Variants in ARHGEF10L observed in about 807,000 individuals in gnomAD.
ARHGEF10L encodes rho guanine nucleotide exchange factor 10-like protein.
A neutral mutation model predicts 141.2 loss-of-function variants in ARHGEF10L; 69 were observed. The observed-to-expected ratio is 0.49, with a 90% CI of 0.40 to 0.60. ARHGEF10L has a LOEUF of 0.60. Ranked by LOEUF, ARHGEF10L falls within the 20% of genes least tolerant of loss-of-function variation. The probability of loss-of-function intolerance (pLI) is 0.00; values close to 1 mark genes in which losing one functional copy is unlikely to be tolerated. For synonymous variants in ARHGEF10L, 711 were observed against 718.5 expected, an observed-to-expected ratio of 0.99 and a Z score of 0.17; for missense variants, 1,482 against 1,734.3, an observed-to-expected ratio of 0.85 and a Z score of 2.58.
chr1:17,632,306 C>A lies in ARHGEF10L; in HGVS notation c.1585-15C>A. The A allele has an allele frequency of 6.2e-7, 1 of 1,613,414 alleles. No homozygotes were observed. The highest frequency in any genetic ancestry group is 1.1e-5 in the South Asian group (1 of 91,034). ...GCCGCGATGCTGATGCTGACCTTCC[C>A]TGCCCCTCCTCCAGCTGTTGACCTC... On this transcript the variant is annotated splice_polypyrimidine_tract_variant and intron_variant, in intron 15 of 28. Coordinates refer to ENST00000361221, the MANE Select transcript of ARHGEF10L (RefSeq NM_018125.4).
At chr1:17,542,455 A>G (rs1477135523) in intron 1 of ARHGEF10L, among the ~76,000 whole-genome samples, 1 of 152,276 alleles carries the variant, frequency 6.6e-6, no homozygotes, top group East Asian at 1.9e-4. Context: ...TCTTAATTAT[A>G]TATATGAGAA....
intron 25 of ARHGEF10L, among the ~76,000 whole-genome samples, chr1:17,659,986 A>C (rs534901914): frequency 7.2e-4 from 109 of 152,342 alleles, no homozygotes; most frequent in African/African-American, 2.5e-3. Flanking sequence ...GGCCAAGAGC[A>C]ATGTGGCCAT....
Position 17,656,016 on chromosome 1 carries a change from G to A in ARHGEF10L, c.2619G>A (p.Glu873=). 5 of 1,573,196 alleles carry A rather than the reference G, an allele frequency of 3.2e-6. No individual in the cohort carries two copies. Among genetic ancestry groups the A allele is most frequent in the Non-Finnish European group, 4.3e-6 (5 of 1,158,466 alleles). Reference sequence around the variant, plus strand: ...AGTATATCCCGGAGCTGGAGGAGGAGGCGGAGAGCAGAGACGAGAGCCCGA... The same window carrying A: ...AGTATATCCCGGAGCTGGAGGAGGAAGCGGAGAGCAGAGACGAGAGCCCGA... ...CMEYIPELEE[E]AESRDESPTV... The change falls in exon 24 of 29, where the codon GAG becomes GAA. Residue 873 remains glutamate (E), a synonymous_variant. Transcript: ENST00000361221. The surrounding 1 kb of genome is among the most constrained non-coding windows in gnomAD (Gnocchi z 4.9).
intron 1 of ARHGEF10L, 25 bp from the exon 2 acceptor site, chr1:17,580,528 G>A: frequency 6.2e-7 from 1 of 1,604,936 alleles, no homozygotes; most frequent in Admixed American, 1.7e-5. Flanking sequence ...TCCAGCTAAT[G>A]CGATTTCTGG....
chr1:17,561,640 C>T (rs997488295), intron 1 of ARHGEF10L, among the ~76,000 whole-genome samples: 27 of 152,238 alleles, frequency 1.8e-4, no homozygotes, highest in Admixed American at 1.6e-3. Context: ...AGCTCCTTGG[C>T]GTAGGTCCCT....
the ARHGEF10L span, among the ~76,000 whole-genome samples, chr1:17,530,756 C>T: frequency 0.019 from 2,927 of 152,252 alleles, 46 homozygotes; most frequent in South Asian, 0.039. Context: ...TGGCTCACGC[C>T]TGTAATCCTA....
intron 26 of ARHGEF10L, among the ~76,000 whole-genome samples, chr1:17,685,428 A>G (rs2064490709): frequency 6.6e-6 from 1 of 152,090 alleles, no homozygotes; most frequent in Non-Finnish European, 1.5e-5. Context: ...CCCTTTGCCT[A>G]GAATGCTCTT....
At chr1:17,582,688 C>A (rs1204192870) in intron 2 of ARHGEF10L, among the ~76,000 whole-genome samples, 2 of 152,188 alleles carry the variant, frequency 1.3e-5, no homozygotes, top group African/African-American at 2.4e-5. Context: ...TCCTCGGAGC[C>A]CTTCCTGAAG....
chr1:17,616,672 G>A (rs921893664), intron 9 of ARHGEF10L, among the ~76,000 whole-genome samples: 10 of 152,226 alleles, frequency 6.6e-5, no homozygotes, highest in South Asian at 6.2e-4. Context: ...TTGGCACAGC[G>A]CGGGAGACAG....
intron 2 of ARHGEF10L, among the ~76,000 whole-genome samples, chr1:17,585,474 T>C (rs1405881239): frequency 6.6e-6 from 1 of 152,158 alleles, no homozygotes; most frequent in Non-Finnish European, 1.5e-5. Flanking sequence ...GCCACATCGC[T>C]GCCCAGAGTC....
chr1:17,617,037 C>G (rs1216179571), intron 9 of ARHGEF10L, among the ~76,000 whole-genome samples: 1 of 152,132 alleles, frequency 6.6e-6, no homozygotes, highest in Non-Finnish European at 1.5e-5. Flanking sequence ...GGAATAGGCA[C>G]AGAGAGGTTG....
the ARHGEF10L span, among the ~76,000 whole-genome samples, chr1:17,517,882 A>C: frequency 3.2e-3 from 490 of 152,222 alleles, 5 homozygotes; most frequent in Non-Finnish European, 2.4e-3. Flanking sequence ...GGCTCTTCTC[A>C]AACTCCTGAG....
At chr1:17,590,772 G>A (rs2079464973) in intron 4 of ARHGEF10L, among the ~76,000 whole-genome samples, 1 of 152,136 alleles carries the variant, frequency 6.6e-6, no homozygotes, top group East Asian at 1.9e-4. Flanking sequence ...GGACCACTGA[G>A]GTCAGGAGTT....
At position 17,671,262 on chromosome 1, in the gene ARHGEF10L, C is replaced by T. The variant is rs577624444; in HGVS notation, c.3009+6667C>T. Among the ~76,000 whole-genome samples the T allele has an allele frequency of 1.1e-4, 16 of 152,060 alleles. No homozygotes were observed. The East Asian group carries it at 2.1e-3, about 20-fold the overall frequency. ...TTCGGGGGGTTAGGCATTCTTTCTG[C>T]GCTGGGGCAGTTAGGGAAGTGTCCT... On this transcript the variant is annotated intron_variant, in intron 26 of 28. Coordinates refer to ENST00000361221, the MANE Select transcript of ARHGEF10L (RefSeq NM_018125.4).
rs1482476405 is a variant in ARHGEF10L, at chr1:17,573,641, C to T, written c.-43-6912C>T. Among the ~76,000 whole-genome samples, 1 of 152,062 alleles carries T rather than the reference C, an allele frequency of 6.6e-6. No individual in the cohort carries two copies. The highest frequency in any genetic ancestry group is 1.5e-5 in the Non-Finnish European group (1 of 67,990). ...GCTGGAGATAGAGTCTGGGGCCGCCCCCCTCCCACGCTGTCCAGCCACTTC... is the reference window on the plus strand; with the variant it reads ...GCTGGAGATAGAGTCTGGGGCCGCCTCCCTCCCACGCTGTCCAGCCACTTC... On this transcript the variant is annotated intron_variant, in intron 1 of 28. Transcript: ENST00000361221. This position sits in a 1 kb window ranked among gnomAD's most constrained non-coding sequence, Gnocchi z 4.8.
In ARHGEF10L at chr1:17,611,533, TATCCATCC is replaced by T. The variant is rs56751222; in HGVS notation, c.610-1487_610-1480del. Among the ~76,000 whole-genome samples the T allele has an allele frequency of 4.3e-4, 65 of 150,772 alleles. 1 individual carries two copies. The highest frequency in any genetic ancestry group is 8.3e-4 in the African/African-American group (34 of 40,740). Reference sequence around the variant, plus strand: ...ATCACAGGTGCCTCATCTGTCTGTATATCCATCCATCCATCCATCCATCCATCCATCCA... The same window carrying T: ...ATCACAGGTGCCTCATCTGTCTGTATATCCATCCATCCATCCATCCATCCA... On this transcript the variant is annotated intron_variant, in intron 7 of 28. Transcript: ENST00000361221.
At chr1:17,547,928 C>T (rs987966997) in intron 1 of ARHGEF10L, among the ~76,000 whole-genome samples, 1 of 152,158 alleles carries the variant, frequency 6.6e-6, no homozygotes, top group African/African-American at 2.4e-5. Flanking sequence ...GGAGTAGACG[C>T]TGGGAGTAGA....
At chr1:17,519,562 A>T in the ARHGEF10L span, among the ~76,000 whole-genome samples, 1 of 151,882 alleles carries the variant, frequency 6.6e-6, no homozygotes, top group East Asian at 1.9e-4. Flanking sequence ...GTGAGCCGTG[A>T]TCTGATCATC....
intron 26 of ARHGEF10L, among the ~76,000 whole-genome samples, chr1:17,684,426 C>A (rs983082184): frequency 2.0e-5 from 3 of 152,188 alleles, no homozygotes; most frequent in Non-Finnish European, 4.4e-5. Context: ...GACTACTAAA[C>A]CTGACTTTGC....
Sources: gnomAD v4.1 joint callset for allele counts (sites outside exome capture counted in the v4.1 genomes callset) on GRCh38, gnomAD v4.1.1 for gene constraint, Gnocchi (gnomAD v3.1) non-coding constraint, MANE v1.5 for transcripts, NCBI Gene and HGNC (gene_info 2026-07-23, HGNC 2026-07-21) for gene names.